The following CDC123 variants were observed in gnomAD, a reference collection of about 807,000 sequenced individuals.
CDC123 encodes the protein cell division cycle 123.
In CDC123, 37 loss-of-function variants were observed where a neutral mutation model predicts 54.4. The ratio of observed to expected loss-of-function variants is 0.68; its 90% CI spans 0.52 to 0.89. CDC123 has a LOEUF of 0.89. CDC123 is among the 40% of genes least tolerant of loss of function. The pLI, the probability that CDC123 is intolerant of heterozygous loss-of-function variation, is 0.00. For missense variants in CDC123, 361 were observed against 412.1 expected (o/e 0.88, Z 1.07); for synonymous variants, 144 against 136.8 (o/e 1.05, Z -0.37).
intron 6 of CDC123, among the ~76,000 whole-genome samples, chr10:12,221,320 T>C (rs956483031): frequency 3.3e-5 from 5 of 152,130 alleles, no homozygotes; most frequent in Non-Finnish European, 7.4e-5. Context: ...CATCCTTGAC[T>C]TAGTGGCTCG....
intron 10 of CDC123, among the ~76,000 whole-genome samples, chr10:12,242,038 G>A (rs1455435695): frequency 3.3e-5 from 5 of 151,684 alleles, no homozygotes; most frequent in Non-Finnish European, 4.4e-5. Flanking sequence ...ACGGCTTGTC[G>A]TAGCATGTGT....
intron 2 of CDC123, among the ~76,000 whole-genome samples, chr10:12,201,990 T>G (rs1835446442): frequency 6.6e-6 from 1 of 152,196 alleles, no homozygotes; most frequent in Admixed American, 6.5e-5. Context: ...ATGAAGATGG[T>G]CATTTGCTCA....
At chr10:12,248,085 A>G (rs1218496091) in intron 11 of CDC123, among the ~76,000 whole-genome samples, 1 of 152,216 alleles carries the variant, frequency 6.6e-6, no homozygotes, top group Non-Finnish European at 1.5e-5. Context: ...CAGTGTTTAT[A>G]TTTTGATACA....
intron 1 of CDC123, 77 bp downstream of exon 1, chr10:12,196,396 A>G (rs1368325048): frequency 5.6e-6 from 9 of 1,596,556 alleles, no homozygotes; most frequent in Non-Finnish European, 7.7e-6. Context: ...CTGCTATCCA[A>G]AAAAATGCAG....
intron 6 of CDC123, among the ~76,000 whole-genome samples, chr10:12,229,912 A>G (rs1483476442): frequency 6.6e-6 from 1 of 152,228 alleles, no homozygotes; most frequent in Non-Finnish European, 1.5e-5. Flanking sequence ...TTGAGAGAGA[A>G]GTAGGCTGCT....
intron 6 of CDC123, among the ~76,000 whole-genome samples, chr10:12,223,080 G>A (rs1242876134): frequency 2.0e-5 from 3 of 151,182 alleles, no homozygotes; most frequent in Non-Finnish European, 4.4e-5. Context: ...ATTTTTAGTA[G>A]AGACGGGGTT....
intron 8 of CDC123, among the ~76,000 whole-genome samples, chr10:12,236,764 G>C (rs950013952): frequency 2.0e-5 from 3 of 152,222 alleles, no homozygotes; most frequent in Admixed American, 6.5e-5. Context: ...TGTGGTGGCA[G>C]GCGCCCGTAA....
intron 2 of CDC123, among the ~76,000 whole-genome samples, chr10:12,205,587 T>G (rs1022818200): frequency 6.6e-6 from 1 of 152,234 alleles, no homozygotes; most frequent in Non-Finnish European, 1.5e-5. Flanking sequence ...GTTTTATAGA[T>G]GGCATATTGA....
chr10:12,238,805 A>G (rs1243082251), intron 10 of CDC123, among the ~76,000 whole-genome samples: 2 of 152,040 alleles, frequency 1.3e-5, no homozygotes, highest in Non-Finnish European at 2.9e-5. Flanking sequence ...GGATCACTTG[A>G]GGTCAGGAGT....
chr10:12,200,180 G>T (rs183852585), intron 2 of CDC123, among the ~76,000 whole-genome samples: 4 of 139,108 alleles, frequency 2.9e-5, no homozygotes, highest in Middle Eastern at 4.1e-3. Flanking sequence ...AGGCTGGAGT[G>T]CAGTGGCTCA....
chr10:12,242,941 C>CA (rs913426815), intron 10 of CDC123, among the ~76,000 whole-genome samples: 32 of 141,492 alleles, frequency 2.3e-4, no homozygotes, highest in South Asian at 1.1e-3. Context: ...GACTCTGTCT[C>CA]AAAAAAAAAA....
rs552800774 is a variant in CDC123 at position 12,212,728 on chromosome 10, CA to C, written c.237+2408del. Among the ~76,000 whole-genome samples, 109 of 152,308 alleles carry C rather than the reference CA, an allele frequency of 7.2e-4. 2 individuals carry two copies. The highest frequency in any genetic ancestry group is 3.4e-3 in the Middle Eastern group (1 of 294). On this transcript the variant is annotated intron_variant, in intron 4 of 12. Transcript: ENST00000281141. ...CAGGTACAGCCACAATGCAGGTGCA[CA>C]ACCCAGCTCATTCAGCCTCCCCAAG...
chr10:12,211,779 A>G (rs1468408711), intron 4 of CDC123, among the ~76,000 whole-genome samples: 1 of 152,194 alleles, frequency 6.6e-6, no homozygotes, highest in African/African-American at 2.4e-5. Flanking sequence ...GGATTTTAAT[A>G]GTGGTGGGGA....
intron 10 of CDC123, among the ~76,000 whole-genome samples, chr10:12,239,709 TTAA>T (rs774427174): frequency 4.5e-5 from 1 of 22,360 alleles, no homozygotes; most frequent in Non-Finnish European, 9.7e-5. Flanking sequence ...ACTCTGTTTT[TTAA>T]AAAAAAAAAA....
At chr10:12,215,687 T>C (rs58263762) in intron 4 of CDC123, 53 bp from the exon 5 acceptor site, 15 of 1,049,782 alleles carry the variant, frequency 1.4e-5, no homozygotes, top group Non-Finnish European at 2.0e-5. Context: ...TCTTGTTTTA[T>C]ATATATACTG....
chr10:12,206,709 A>T (rs986978685), intron 2 of CDC123, among the ~76,000 whole-genome samples: 7 of 152,288 alleles, frequency 4.6e-5, no homozygotes, highest in Middle Eastern at 3.4e-3. Flanking sequence ...CTGTAATCCC[A>T]GTGCTTTAGG....
At chr10:12,237,564 G>T in intron 9 of CDC123, 1 of 164,322 alleles carries the variant, frequency 6.1e-6, no homozygotes, top group Non-Finnish European at 1.3e-5. Context: ...CTCCCAAGTA[G>T]CTGGGGCTAC....
rs981539773 is a variant in CDC123 at position 12,233,980 on chromosome 10, A to G, written c.490-1068A>G. Among the ~76,000 whole-genome samples the G allele has an allele frequency of 1.8e-3, 276 of 152,240 alleles. 5 individuals carry two copies. Among genetic ancestry groups the G allele is most frequent in the Non-Finnish European group, 4.0e-4 (27 of 68,016 alleles). ...ATATTGAGAAAATAGTGAGAGAGTTATTTTGGTGATTCATTGTGACAAACC... is the reference window on the plus strand; with the variant it reads ...ATATTGAGAAAATAGTGAGAGAGTTGTTTTGGTGATTCATTGTGACAAACC... On this transcript the variant is annotated intron_variant, in intron 7 of 12. Coordinates refer to ENST00000281141, the MANE Select transcript of CDC123 (RefSeq NM_006023.3).
At chr10:12,208,378 TTG>T (rs1265957234) in intron 2 of CDC123, among the ~76,000 whole-genome samples, 1 of 152,152 alleles carries the variant, frequency 6.6e-6, no homozygotes, top group African/African-American at 2.4e-5. Context: ...TTTTCAGCCC[TTG>T]TGTTGCAGGT....
Sources: gnomAD v4.1 joint callset for allele counts (sites outside exome capture counted in the v4.1 genomes callset) on GRCh38, gnomAD v4.1.1 for gene constraint, MANE v1.5 for transcripts, NCBI Gene and HGNC (gene_info 2026-07-23, HGNC 2026-07-21) for gene names.